Variants in HOMER2 observed in about 807,000 individuals in gnomAD.
HOMER2 encodes the protein homer protein homolog 2.
HOMER2 carries 27 observed loss-of-function variants against 47.0 expected under a neutral mutation model. That is an observed-to-expected ratio of 0.57 (90% CI 0.42 to 0.79). HOMER2 has a LOEUF of 0.79. Ranked by LOEUF, HOMER2 falls within the 30% of genes least tolerant of loss-of-function variation. The pLI, the probability that HOMER2 is intolerant of heterozygous loss-of-function variation, is 0.00. For missense variants in HOMER2, 443 were observed against 435.0 expected (o/e 1.02, Z -0.16); for synonymous variants, 161 against 163.8 (o/e 0.98, Z 0.13).
At chr15:82,947,590 C>T (rs993189665) in intron 1 of HOMER2, among the ~76,000 whole-genome samples, 1 of 152,194 alleles carries the variant, frequency 6.6e-6, no homozygotes, top group African/African-American at 2.4e-5. Flanking sequence ...TGACAGCAGA[C>T]GGCCCGAAAA....
At chr15:82,967,042 G>A (rs920469657) in intron 1 of HOMER2, among the ~76,000 whole-genome samples, 9 of 152,240 alleles carry the variant, frequency 5.9e-5, no homozygotes, top group South Asian at 2.1e-4. Context: ...AGGATTGCTC[G>A]AGTTCAACAA....
chr15:82,860,546 C>T (rs1488633857), intron 4 of HOMER2, among the ~76,000 whole-genome samples: 2 of 152,124 alleles, frequency 1.3e-5, no homozygotes, highest in African/African-American at 4.8e-5. Context: ...AAAAGATTAA[C>T]ACCTTAACTT....
At position 82,849,713 on chromosome 15, in the gene HOMER2, C is replaced by G. The variant is rs368315318; in HGVS notation, c.*2G>C. The G allele has an allele frequency of 1.2e-6, 2 of 1,611,984 alleles. No homozygotes were observed. Among genetic ancestry groups the G allele is most frequent in the African/African-American group, 2.7e-5 (2 of 74,844 alleles). ...CGGGCGGGGCCTGGGCCTCGGCCAG[C>G]CCTAGTTATCGGTGCCCAGCTTGGA... On this transcript the variant is annotated 3_prime_UTR_variant, in exon 9 of 9. Transcript: ENST00000450735.
intron 1 of HOMER2, among the ~76,000 whole-genome samples, chr15:82,895,412 C>G (rs970684617): frequency 6.6e-6 from 1 of 152,208 alleles, no homozygotes; most frequent in Non-Finnish European, 1.5e-5. Context: ...TCAGTGCAAG[C>G]CCTCATACCC....
chr15:82,982,045 TTAAG>T (rs1183464747), intron 1 of HOMER2, among the ~76,000 whole-genome samples: 1 of 152,218 alleles, frequency 6.6e-6, no homozygotes, highest in East Asian at 1.9e-4. Context: ...ATATATCTGC[TTAAG>T]TAAAACAAAA....
At chr15:82,895,429 T>C (rs1387846711) in intron 1 of HOMER2, among the ~76,000 whole-genome samples, 1 of 152,184 alleles carries the variant, frequency 6.6e-6, no homozygotes, top group Non-Finnish European at 1.5e-5. Context: ...ACCCCATCCA[T>C]GTGATATAAT....
intron 2 of HOMER2, among the ~76,000 whole-genome samples, chr15:82,890,593 C>T (rs2052672954): frequency 6.6e-6 from 1 of 152,184 alleles, no homozygotes; most frequent in Non-Finnish European, 1.5e-5. Context: ...GCTTGAACCC[C>T]ACCACATTGT....
At chr15:82,964,740 G>A (rs529518138) in intron 1 of HOMER2, among the ~76,000 whole-genome samples, 5 of 152,118 alleles carry the variant, frequency 3.3e-5, no homozygotes, top group Non-Finnish European at 5.9e-5. Flanking sequence ...ACTGCACTCC[G>A]GCCTGGGTGA....
At chr15:82,841,420 T>C (rs1214279738) in exon 2 of HOMER2, 1 of 152,126 alleles carries the variant, frequency 6.6e-6, no homozygotes, top group Non-Finnish European at 1.5e-5. Context: ...AATATTTTCA[T>C]CAAACTAGAA....
At chr15:82,917,713 G>A (rs1283589473) in intron 1 of HOMER2, among the ~76,000 whole-genome samples, 2 of 152,204 alleles carry the variant, frequency 1.3e-5, no homozygotes, top group Non-Finnish European at 2.9e-5. Context: ...TGAGCTTGCT[G>A]TAAACACTTG....
At chr15:82,946,033 T>C (rs891113673) in intron 1 of HOMER2, among the ~76,000 whole-genome samples, 4 of 151,656 alleles carry the variant, frequency 2.6e-5, no homozygotes, top group Non-Finnish European at 4.4e-5. Flanking sequence ...GGTAGGGCCA[T>C]CACACTGAGC....
intron 1 of HOMER2, among the ~76,000 whole-genome samples, chr15:82,904,533 G>A (rs1040756209): frequency 6.6e-6 from 1 of 152,122 alleles, no homozygotes; most frequent in Admixed American, 6.6e-5. Context: ...AAATACACCA[G>A]AGCACCTGTT....
chr15:82,839,180 T>G (rs1301211272), exon 2 of HOMER2: 2 of 152,206 alleles, frequency 1.3e-5, no homozygotes, highest in Non-Finnish European at 2.9e-5. Context: ...TAAAGCTACA[T>G]TCTCCTGCCT....
intron 5 of HOMER2, among the ~76,000 whole-genome samples, chr15:82,858,249 TTTATG>T (rs1172406385): frequency 1.3e-5 from 2 of 152,190 alleles, no homozygotes; most frequent in Non-Finnish European, 2.9e-5. Context: ...ATTTTAATAG[TTTATG>T]TTTTCACATG....
intron 1 of HOMER2, among the ~76,000 whole-genome samples, chr15:82,910,290 G>A (rs2053416032): frequency 1.3e-5 from 2 of 152,144 alleles, no homozygotes; most frequent in Admixed American, 1.3e-4. Context: ...TTGACTCGTG[G>A]GTTGGTAAGA....
At chr15:82,873,609 G>T (rs1029371367) in intron 3 of HOMER2, among the ~76,000 whole-genome samples, 83 of 152,302 alleles carry the variant, frequency 5.4e-4, no homozygotes, top group African/African-American at 2.0e-3. Context: ...CCAATGACCT[G>T]CCCTCGAGAT....
chr15:82,868,256 A>G (rs2052043458), intron 3 of HOMER2, among the ~76,000 whole-genome samples: 1 of 151,448 alleles, frequency 6.6e-6, no homozygotes, highest in African/African-American at 2.4e-5. Context: ...ACAGTTTGCA[A>G]AAATGTTCTC....
intron 1 of HOMER2, 23 bp from the exon 2 acceptor site, chr15:82,892,864 T>C: frequency 6.7e-7 from 1 of 1,496,706 alleles, no homozygotes; most frequent in East Asian, 2.3e-5. Context: ...AGTGGGCGTG[T>C]GAGTTGAGAG....
intron 1 of HOMER2, among the ~76,000 whole-genome samples, chr15:82,896,262 A>C (rs993628144): frequency 1.3e-5 from 2 of 152,064 alleles, no homozygotes; most frequent in African/African-American, 4.8e-5. Flanking sequence ...TACAGGAGGG[A>C]GGAAGTGAGG....
Sources: gnomAD v4.1 joint callset for allele counts (sites outside exome capture counted in the v4.1 genomes callset) on GRCh38, gnomAD v4.1.1 for gene constraint, MANE v1.5 for transcripts, NCBI Gene and HGNC (gene_info 2026-07-23, HGNC 2026-07-21) for gene names.